Variants in DDX60L observed in about 807,000 individuals in gnomAD.
DDX60L encodes DExD/H-box 60 like, also known as probable ATP-dependent RNA helicase DDX60-like.
Under a neutral mutation model 211.6 loss-of-function variants are expected in DDX60L, and 191 were observed. The ratio of observed to expected loss-of-function variants is 0.90; its 90% CI spans 0.80 to 1.02. The LOEUF (loss-of-function observed/expected upper bound fraction) is 1.02. DDX60L is among the 50% of genes least tolerant of loss of function. The pLI is 0.00. For missense variants in DDX60L, 2,007 were observed against 1,984.1 expected, an observed-to-expected ratio of 1.01 and a Z score of -0.22; for synonymous variants, 706 against 694.1, an observed-to-expected ratio of 1.02 and a Z score of -0.27.
chr4:168,449,193 G>T (rs1387478919), intron 8 of DDX60L, among the ~76,000 whole-genome samples: 5 of 152,032 alleles, frequency 3.3e-5, no homozygotes, highest in Non-Finnish European at 4.4e-5. Context: ...TGAGCAGGAA[G>T]AAGTTAGAGC....
chr4:168,358,549 A>T (rs76301863), intron 37 of DDX60L, among the ~76,000 whole-genome samples: 1 of 128,870 alleles, frequency 7.8e-6, no homozygotes, highest in Admixed American at 8.8e-5. Flanking sequence ...TTTTTTTGAG[A>T]CAGAGTCTCG....
In DDX60L at chr4:168,471,783, CAGA is replaced by C. The variant is rs1343462998; in HGVS notation, c.225_227del (p.Leu76del). The C allele has an allele frequency of 1.2e-6, 2 of 1,608,560 alleles. No individual in the cohort carries two copies. Among genetic ancestry groups the C allele is most frequent in the Non-Finnish European group, 1.7e-6 (2 of 1,178,826 alleles). On this transcript the variant is annotated inframe_deletion, in exon 4 of 38. Coordinates refer to ENST00000682922, the MANE Select transcript of DDX60L (RefSeq NM_001012967.3). ...CTATGGTGAATTGTCCTCCGTTACTCAGAAGATCCACAAGATAGCATTCAACCA... is the reference window on the plus strand; with the variant it reads ...CTATGGTGAATTGTCCTCCGTTACTCAGATCCACAAGATAGCATTCAACCA...
chr4:168,375,532 C>T lies in DDX60L; in HGVS notation c.4486-8G>A, dbSNP rs776965907. On this transcript the variant is annotated splice_polypyrimidine_tract_variant and splice_region_variant and intron_variant, in intron 33 of 37. Transcript: ENST00000682922. ...GAGTTCGGCAAGGATCACCTATGGG[C>T]GAAATACATTTCAGAAAGATCTCTT... 7.0e-5 allele frequency: 111 copies of T among 1,577,088 alleles called. No individual in the cohort carries two copies. The highest frequency in any genetic ancestry group is 9.2e-5 in the Non-Finnish European group (107 of 1,165,266).
intron 8 of DDX60L, among the ~76,000 whole-genome samples, chr4:168,449,637 C>CAAAAAAAAAATACAAAAAAAAAAA (rs1755407799): frequency 2.2e-5 from 1 of 44,842 alleles, no homozygotes. Flanking sequence ...AACATTAAAA[C>CAAAAAAAAAATACAAAAAAAAAAA]AAAAAAAAAA....
chr4:168,360,246 AAATG>A (rs1738879127), intron 37 of DDX60L, among the ~76,000 whole-genome samples: 1 of 152,238 alleles, frequency 6.6e-6, no homozygotes, highest in East Asian at 1.9e-4. Context: ...TATAATTGAT[AAATG>A]AATGAAGGAA....
At chr4:168,379,249 T>C in intron 32 of DDX60L, 114 bp downstream of exon 32, 1 of 966,800 alleles carries the variant, frequency 1.0e-6, no homozygotes, top group Non-Finnish European at 1.5e-6. Context: ...ATACTTAGTA[T>C]TTATTTGCTT....
chr4:168,474,582 G>GA (rs1224179188), intron 1 of DDX60L, among the ~76,000 whole-genome samples: 4 of 151,700 alleles, frequency 2.6e-5, no homozygotes, highest in South Asian at 2.1e-4. Context: ...CTATTGAAAA[G>GA]AAAAAAATAC....
intron 37 of DDX60L, among the ~76,000 whole-genome samples, chr4:168,358,893 T>C (rs1738631248): frequency 6.6e-6 from 1 of 152,202 alleles, no homozygotes; most frequent in East Asian, 1.9e-4. Flanking sequence ...TCTTAGAACC[T>C]AGAAGTGTTA....
rs1750799098 is a variant in DDX60L at position 168,422,527 on chromosome 4, C to T, written c.2241G>A (p.Trp747Ter). The change falls in exon 16 of 38, where the codon TGG becomes TGA. Residue 747 changes from tryptophan (W) to a stop codon, truncating the protein, a stop_gained. Transcript: ENST00000682922. LOFTEE classifies it high-confidence loss of function. The part of the protein sequence containing the change: ...PRVQDFIPNA[W>*]QQELLDVVDK... ...GTACAATGTTTGTTGTCATTACCTG[C>T]CATGCGTTGGGAATAAAATCCTGGA... The T allele has an allele frequency of 1.2e-6, 2 of 1,608,410 alleles. No homozygotes were observed. The highest frequency in any genetic ancestry group is 1.3e-5 in the African/African-American group (1 of 74,730).
At position 168,394,454 on chromosome 4, in the gene DDX60L, A is replaced by T. The variant is rs376720976; in HGVS notation, c.3810+11T>A. 1.6e-4 allele frequency: 255 copies of T among 1,583,554 alleles called. No individual in the cohort carries two copies. Among genetic ancestry groups the T allele is most frequent in the Non-Finnish European group, 2.1e-4 (246 of 1,169,014 alleles). On this transcript the variant is annotated intron_variant, in intron 28 of 37. Coordinates refer to ENST00000682922, the MANE Select transcript of DDX60L (RefSeq NM_001012967.3). ...CAACTTTATTTTTTAAATGCAAAGAAATTTACCTACCCTAATAAGCCCTTT... is the reference window on the plus strand; with the variant it reads ...CAACTTTATTTTTTAAATGCAAAGATATTTACCTACCCTAATAAGCCCTTT...
At chr4:168,416,424 A>C (rs534930923) in intron 20 of DDX60L, among the ~76,000 whole-genome samples, 2 of 151,160 alleles carry the variant, frequency 1.3e-5, no homozygotes, top group East Asian at 3.9e-4. Flanking sequence ...ATATCTTCAA[A>C]AAAATTTGAG....
chr4:168,447,136 A>G (rs113387937), intron 9 of DDX60L, among the ~76,000 whole-genome samples: 25,228 of 137,150 alleles, frequency 0.18, 2,520 homozygotes, highest in East Asian at 0.25. Context: ...TACTCATCTG[A>G]CAAAGGGCTA....
At chr4:168,402,329 G>T (rs1280171367) in intron 25 of DDX60L, among the ~76,000 whole-genome samples, 1 of 151,738 alleles carries the variant, frequency 6.6e-6, no homozygotes, top group Non-Finnish European at 1.5e-5. Flanking sequence ...AGCATTAAAT[G>T]ATTCTTCTTA....
chr4:168,462,061 A>C (rs1292404117), intron 4 of DDX60L, 21 bp from the exon 5 acceptor site: 3 of 1,498,600 alleles, frequency 2.0e-6, no homozygotes, highest in Admixed American at 2.0e-5. Context: ...AAAAAGAAAC[A>C]AGCACATCAT....
At chr4:168,430,080 TC>T (rs1359226861) in intron 13 of DDX60L, among the ~76,000 whole-genome samples, 1 of 152,138 alleles carries the variant, frequency 6.6e-6, no homozygotes, top group African/African-American at 2.4e-5. Context: ...GTGCTTGTAA[TC>T]CCAGCTACTT....
rs1750265786 is a variant in DDX60L, at chr4:168,420,197, C to A, written c.2514+64G>T. ...GGGCTTGTGTTTTGCAGATTCCCAGCAAAACAGTTATATAAGTACTGCTCT... is the reference window on the plus strand; with the variant it reads ...GGGCTTGTGTTTTGCAGATTCCCAGAAAAACAGTTATATAAGTACTGCTCT... On this transcript the variant is annotated intron_variant, in intron 18 of 37. Coordinates refer to ENST00000682922, the MANE Select transcript of DDX60L (RefSeq NM_001012967.3). 1.1e-5 allele frequency: 14 copies of A among 1,320,100 alleles called. 1 individual carries two copies. The South Asian group carries it at 1.6e-4, about 15-fold the overall frequency. 81.8% of individuals were successfully genotyped at this position (1,320,100 alleles called of 1,614,324 possible). A position where few individuals can be genotyped will look rare whatever the true frequency, so the allele number is the denominator to read the frequency against.
rs994019788 is a variant in DDX60L at position 168,371,612 on chromosome 4, C to T, written c.4928G>A (p.Gly1643Glu). 1 of 1,543,576 alleles carries T rather than the reference C, an allele frequency of 6.5e-7. No individual in the cohort carries two copies. Among genetic ancestry groups the T allele is most frequent in the Non-Finnish European group, 8.8e-7 (1 of 1,140,948 alleles). The change falls in exon 36 of 38, where the codon GGG becomes GAG. Residue 1643 changes from glycine to glutamate, a missense_variant and splice_region_variant. Physicochemically the swap from Gly to Glu is moderately conservative, Grantham distance 98. Coordinates refer to ENST00000682922, the MANE Select transcript of DDX60L (RefSeq NM_001012967.3). ...TACAGAAACATACCCATAAACTTAC[C>T]CATTTTTTTGGTCTAATCTTGTCAA... is the stretch of plus-strand genomic sequence containing the variant. The part of the protein sequence containing the change: ...NCLTRLDQKN[G>E]MRMGQLLKCL...
intron 36 of DDX60L, among the ~76,000 whole-genome samples, chr4:168,367,011 A>C (rs1002542135): frequency 6.6e-6 from 1 of 151,946 alleles, no homozygotes; most frequent in African/African-American, 2.4e-5. Context: ...TAATATGTTA[A>C]TAACATATTA....
chr4:168,408,983 C>T lies in DDX60L; in HGVS notation c.2980-2277G>A, dbSNP rs144248368. ...TCTCCTGTTGCTTCAATGTATTCTG[C>T]TTCCCCTCATGAATGAACAATTTCA... On this transcript the variant is annotated intron_variant, in intron 22 of 37. Coordinates refer to ENST00000682922, the MANE Select transcript of DDX60L (RefSeq NM_001012967.3). 5.3e-5 allele frequency among the ~76,000 whole-genome samples: 8 copies of T among 152,274 alleles called. No individual in the cohort carries two copies. The South Asian group carries it at 1.7e-3, about 32-fold the overall frequency.
Sources: allele counts gnomAD v4.1 joint callset (sites outside exome capture counted in the v4.1 genomes callset), GRCh38; gene constraint gnomAD v4.1.1; transcripts MANE v1.5; gene names NCBI Gene and HGNC (gene_info 2026-07-23, HGNC 2026-07-21).